The following SEMA6D variants were observed in gnomAD, a reference collection of about 807,000 sequenced individuals.
SEMA6D encodes semaphorin-6D.
A neutral mutation model predicts 106.6 loss-of-function variants in SEMA6D; 35 were observed. The observed-to-expected ratio is 0.33, with a 90% confidence interval of 0.25 to 0.44. SEMA6D has a LOEUF of 0.44. Among genes scored for constraint, SEMA6D ranks in the 20% least tolerant of loss-of-function variants. The pLI, the probability that SEMA6D is intolerant of heterozygous loss-of-function variation, is 1.00. For missense variants in SEMA6D, 1,185 were observed against 1,345.9 expected (o/e 0.88, Z 1.87); for synonymous variants, 499 against 487.7 (o/e 1.02, Z -0.31).
At chr15:47,239,727 A>C (rs12903938) in intron 1 of SEMA6D, among the ~76,000 whole-genome samples, 148,681 of 152,254 alleles carry the variant, frequency 0.98, 72,703 homozygotes, top group Middle Eastern at 1. Context: ...TATCAGTTTC[A>C]CGTATGGTAG....
chr15:47,329,026 A>G (rs555648379), intron 1 of SEMA6D, among the ~76,000 whole-genome samples: 2 of 151,324 alleles, frequency 1.3e-5, no homozygotes, highest in East Asian at 1.9e-4. Context: ...ATTTTAATCA[A>G]TGAAGATAAA....
intron 1 of SEMA6D, among the ~76,000 whole-genome samples, chr15:47,381,710 C>T (rs1266715065): frequency 6.6e-6 from 1 of 152,148 alleles, no homozygotes; most frequent in South Asian, 2.1e-4. Context: ...AAACATACAA[C>T]TGTATGTAAA....
intron 1 of SEMA6D, among the ~76,000 whole-genome samples, chr15:47,367,687 C>CGA (rs1468088961): frequency 2.4e-5 from 1 of 42,102 alleles, no homozygotes; most frequent in South Asian, 1.1e-3. Flanking sequence ...CACGCGCGCG[C>CGA]GCGCGCACAC....
intron 3 of SEMA6D, among the ~76,000 whole-genome samples, chr15:47,507,729 C>G (rs920520849): frequency 6.6e-6 from 1 of 152,146 alleles, no homozygotes; most frequent in Non-Finnish European, 1.5e-5. Context: ...CAGTGTCAGA[C>G]AGATGGTAAA....
chr15:47,281,852 T>C (rs2035138650), intron 1 of SEMA6D, among the ~76,000 whole-genome samples: 1 of 152,160 alleles, frequency 6.6e-6, no homozygotes, highest in Middle Eastern at 3.2e-3. Context: ...TTCATTTCTT[T>C]ATATTTCCAC....
intron 1 of SEMA6D, among the ~76,000 whole-genome samples, chr15:47,204,154 C>T (rs1894894840): frequency 6.6e-6 from 1 of 152,124 alleles, no homozygotes; most frequent in African/African-American, 2.4e-5. Flanking sequence ...GGAACTATCA[C>T]TCTGGCTACA....
At chr15:47,584,647 G>A (rs1035495592) in intron 3 of SEMA6D, among the ~76,000 whole-genome samples, 2 of 152,162 alleles carry the variant, frequency 1.3e-5, no homozygotes, top group South Asian at 4.1e-4. Flanking sequence ...GTTGGAAACT[G>A]CCTTAAATCT....
At chr15:47,375,513 C>T (rs765245450) in intron 1 of SEMA6D, among the ~76,000 whole-genome samples, 12 of 152,094 alleles carry the variant, frequency 7.9e-5, no homozygotes, top group Non-Finnish European at 1.8e-4. Context: ...AATATGCCTG[C>T]TGAATTATAA....
intron 3 of SEMA6D, among the ~76,000 whole-genome samples, chr15:47,487,040 TTAAA>T (rs2043315831): frequency 6.6e-6 from 1 of 152,324 alleles, no homozygotes; most frequent in African/African-American, 2.4e-5. Flanking sequence ...CAAGGCAATA[TTAAA>T]TAAACAAATA....
At chr15:47,559,205 T>C (rs945995331) in intron 3 of SEMA6D, among the ~76,000 whole-genome samples, 3 of 151,910 alleles carry the variant, frequency 2.0e-5, no homozygotes, top group Non-Finnish European at 2.9e-5. Flanking sequence ...GACACGAATA[T>C]TGAAAAAAAG....
At chr15:47,626,405 G>A (rs979548938) in intron 4 of SEMA6D, among the ~76,000 whole-genome samples, 6 of 152,172 alleles carry the variant, frequency 3.9e-5, no homozygotes, top group African/African-American at 1.4e-4. Flanking sequence ...ACTCAGAAGT[G>A]CTCTTCTTAA....
chr15:47,428,721 C>G (rs1016543919), intron 2 of SEMA6D, among the ~76,000 whole-genome samples: 15 of 151,786 alleles, frequency 9.9e-5, no homozygotes, highest in African/African-American at 3.4e-4. Flanking sequence ...TTGCAGTGAG[C>G]TGAGATTGCA....
intron 3 of SEMA6D, among the ~76,000 whole-genome samples, chr15:47,509,640 C>T (rs1418093176): frequency 6.6e-6 from 1 of 152,242 alleles, no homozygotes; most frequent in Non-Finnish European, 1.5e-5. Context: ...TACACCTTCA[C>T]TCATCCTGTT....
intron 3 of SEMA6D, among the ~76,000 whole-genome samples, chr15:47,548,523 A>G (rs148384681): frequency 6.6e-6 from 1 of 152,292 alleles, no homozygotes; most frequent in Admixed American, 6.5e-5. Context: ...TGTAGCTTTC[A>G]CAGAACTCAG....
At chr15:47,756,605 A>G (rs2081756096) in intron 1 of SEMA6D, among the ~76,000 whole-genome samples, 1 of 152,220 alleles carries the variant, frequency 6.6e-6, no homozygotes, top group African/African-American at 2.4e-5. Context: ...GTTTGAACTC[A>G]GATTTTTCTA....
Position 47,763,857 on chromosome 15 carries a change from A to C in SEMA6D, c.755A>C (p.Tyr252Ser), listed in dbSNP as rs1323167235. 6.2e-7 allele frequency: 1 copy of C among 1,612,766 alleles called. No homozygotes were observed. Among genetic ancestry groups the C allele is most frequent in the South Asian group, 1.1e-5 (1 of 91,018 alleles). The change falls in exon 10 of 19, where the codon TAT (tyrosine) becomes TCT (serine). Residue 252 changes from tyrosine to serine, a missense_variant. Transcript: ENST00000536845. ...VEHNNLGKAV[Y>S]SRVARICKND... ...CTTCTATCCGTTGGGCAGGCTGTGT[A>C]TTCCCGCGTGGCCCGCATATGTAAA...
At chr15:47,726,004 T>C (rs1002279032) in intron 1 of SEMA6D, among the ~76,000 whole-genome samples, 1 of 152,232 alleles carries the variant, frequency 6.6e-6, no homozygotes, top group Non-Finnish European at 1.5e-5. Flanking sequence ...AAATTCAATG[T>C]TGGGAACTCT....
chr15:47,542,294 G>A (rs2045379243), intron 3 of SEMA6D, among the ~76,000 whole-genome samples: 1 of 152,148 alleles, frequency 6.6e-6, no homozygotes, highest in Non-Finnish European at 1.5e-5. Context: ...TAAGCCTGAG[G>A]TATTCTGGAA....
At chr15:47,514,700 G>C (rs1350395702) in intron 3 of SEMA6D, among the ~76,000 whole-genome samples, 1 of 152,046 alleles carries the variant, frequency 6.6e-6, no homozygotes, top group African/African-American at 2.4e-5. Context: ...TATTACAGTA[G>C]TCTCCTCACT....
Sources: allele counts gnomAD v4.1 joint callset (sites outside exome capture counted in the v4.1 genomes callset), GRCh38; gene constraint gnomAD v4.1.1; transcripts MANE v1.5; gene names NCBI Gene and HGNC (gene_info 2026-07-23, HGNC 2026-07-21).